Variants in LOXHD1 observed in about 807,000 individuals in gnomAD.
LOXHD1 encodes the protein lipoxygenase homology domain-containing protein 1.
Under a neutral mutation model 248.2 loss-of-function variants are expected in LOXHD1, and 205 were observed. The observed-to-expected ratio is 0.83, with a 90% CI of 0.74 to 0.93. LOXHD1 has a LOEUF of 0.93. LOXHD1 is among the 40% of genes least tolerant of loss of function. LOXHD1 has a pLI of 0.00. For synonymous variants in LOXHD1, 1,113 were observed against 1,162.8 expected (o/e 0.96, Z 0.87); for missense variants, 2,930 against 2,971.6 (o/e 0.99, Z 0.33).
At chr18:46,596,776 C>T (rs2038263158) in intron 8 of LOXHD1, among the ~76,000 whole-genome samples, 1 of 152,092 alleles carries the variant, frequency 6.6e-6, no homozygotes, top group Non-Finnish European at 1.5e-5. Flanking sequence ...ATAGAAAAAA[C>T]AGATAGTGGC....
intron 34 of LOXHD1, among the ~76,000 whole-genome samples, chr18:46,515,804 A>G (rs1163792522): frequency 6.6e-6 from 1 of 152,210 alleles, no homozygotes; most frequent in African/African-American, 2.4e-5. Flanking sequence ...CGACCATCCC[A>G]AGAAACCACG....
At chr18:46,554,559 G>T (rs796808509) in intron 21 of LOXHD1, among the ~76,000 whole-genome samples, 1 of 152,098 alleles carries the variant, frequency 6.6e-6, no homozygotes, top group African/African-American at 2.4e-5. Flanking sequence ...GATTGTTAAG[G>T]CCAGCTCATC....
At chr18:46,598,546 C>T (rs1345189489) in intron 8 of LOXHD1, among the ~76,000 whole-genome samples, 1 of 151,290 alleles carries the variant, frequency 6.6e-6, no homozygotes, top group Non-Finnish European at 1.5e-5. Flanking sequence ...ATTTGACTTC[C>T]TACAGAAAAA....
chr18:46,572,911 T>C (rs537700571), intron 14 of LOXHD1, among the ~76,000 whole-genome samples: 2 of 149,470 alleles, frequency 1.3e-5, no homozygotes, highest in Non-Finnish European at 3.0e-5. Flanking sequence ...TAGTCCCAGC[T>C]ACTCGGGAGG....
intron 37 of LOXHD1, among the ~76,000 whole-genome samples, chr18:46,491,991 T>G (rs2033516217): frequency 6.6e-6 from 1 of 152,232 alleles, no homozygotes; most frequent in Admixed American, 6.5e-5. Context: ...GAGAAACTCC[T>G]TCCATGAGCT....
chr18:46,557,535 C>G, intron 20 of LOXHD1, 46 bp from the exon 21 acceptor site: 2 of 1,549,198 alleles, frequency 1.3e-6, no homozygotes, highest in Non-Finnish European at 1.7e-6. Flanking sequence ...CCTACCCCTC[C>G]CCACATGGCC....
intron 37 of LOXHD1, among the ~76,000 whole-genome samples, chr18:46,501,231 G>T (rs531711754): frequency 6.6e-6 from 1 of 152,222 alleles, no homozygotes; most frequent in South Asian, 2.1e-4. Flanking sequence ...GACATATGCA[G>T]AGTGGCAAAA....
intron 4 of LOXHD1, among the ~76,000 whole-genome samples, chr18:46,624,880 T>C (rs2038718934): frequency 6.6e-6 from 1 of 152,170 alleles, no homozygotes; most frequent in Non-Finnish European, 1.5e-5. Flanking sequence ...CTCCCTAGAA[T>C]ACCCTCCACC....
intron 4 of LOXHD1, among the ~76,000 whole-genome samples, chr18:46,630,668 C>T (rs968089591): frequency 6.6e-6 from 1 of 152,204 alleles, no homozygotes; most frequent in Non-Finnish European, 1.5e-5. Flanking sequence ...CTGAGTAGCC[C>T]TGCATTCTCA....
At chr18:46,626,470 A>T (rs1041928489) in intron 4 of LOXHD1, among the ~76,000 whole-genome samples, 1 of 152,180 alleles carries the variant, frequency 6.6e-6, no homozygotes, top group Non-Finnish European at 1.5e-5. Flanking sequence ...CCTGGGAGGC[A>T]GAGGTTGCAG....
At chr18:46,504,245 A>G (rs948965294) in intron 37 of LOXHD1, among the ~76,000 whole-genome samples, 1 of 152,072 alleles carries the variant, frequency 6.6e-6, no homozygotes, top group African/African-American at 2.4e-5. Flanking sequence ...AGCTGGGACT[A>G]CAGGCATAAG....
rs1450222608 is a variant in LOXHD1 at position 46,598,064 on chromosome 18, GC to G, written c.1134+3152del. On this transcript the variant is annotated intron_variant, in intron 8 of 40. Coordinates refer to ENST00000642948, the MANE Select transcript of LOXHD1 (RefSeq NM_001384474.1). ...TTACAAGATTGAACCACTGCGCCCG[GC>G]CAGAAAAATTCTATATTAAACTTTA... 3.3e-5 allele frequency among the ~76,000 whole-genome samples: 5 copies of G among 151,900 alleles called. No individual in the cohort carries two copies. In the East Asian group the frequency reaches 9.6e-4, roughly 29 times the overall value.
intron 2 of LOXHD1, among the ~76,000 whole-genome samples, chr18:46,645,066 G>A (rs540416306): frequency 8.1e-4 from 123 of 152,234 alleles, no homozygotes; most frequent in African/African-American, 2.8e-3. Flanking sequence ...GAGTGGCAGA[G>A]GCAGGGCTCT....
intron 37 of LOXHD1, among the ~76,000 whole-genome samples, chr18:46,499,753 T>A (rs1458022754): frequency 6.6e-6 from 1 of 152,182 alleles, no homozygotes; most frequent in Non-Finnish European, 1.5e-5. Flanking sequence ...AAGCTGTTCA[T>A]CTCCCCTTCC....
intron 13 of LOXHD1, 29 bp from the exon 14 acceptor site, chr18:46,577,896 A>G (rs2144135468): frequency 6.4e-7 from 1 of 1,551,266 alleles, no homozygotes; most frequent in Non-Finnish European, 8.7e-7. Flanking sequence ...AAGGCCAGTT[A>G]GACAGTGGCT....
intron 17 of LOXHD1, 99 bp downstream of exon 17, chr18:46,566,158 G>T: frequency 7.4e-7 from 1 of 1,346,570 alleles, no homozygotes; most frequent in South Asian, 1.5e-5. Context: ...AGCAGCACTT[G>T]TCAGCAAGAC....
At chr18:46,556,956 C>T (rs1421356472) in intron 21 of LOXHD1, among the ~76,000 whole-genome samples, 2 of 151,754 alleles carry the variant, frequency 1.3e-5, no homozygotes, top group Admixed American at 6.6e-5. Flanking sequence ...GACATCACCA[C>T]CAGCCCACCC....
intron 39 of LOXHD1, among the ~76,000 whole-genome samples, 195 bp downstream of exon 39, chr18:46,484,823 TC>T (rs2032901039): frequency 6.6e-6 from 1 of 152,098 alleles, no homozygotes; most frequent in Non-Finnish European, 1.5e-5. Context: ...TTAAATGCAG[TC>T]CCATGCTTTC....
intron 6 of LOXHD1, among the ~76,000 whole-genome samples, chr18:46,610,363 A>G (rs2038487251): frequency 1.3e-5 from 2 of 150,260 alleles, no homozygotes; most frequent in Non-Finnish European, 3.0e-5. Context: ...GAACACTTGG[A>G]CACAGGGCGG....
Sources: gnomAD v4.1 joint callset for allele counts (sites outside exome capture counted in the v4.1 genomes callset) on GRCh38, gnomAD v4.1.1 for gene constraint, MANE v1.5 for transcripts, NCBI Gene and HGNC (gene_info 2026-07-23, HGNC 2026-07-21) for gene names.